The following TREML2 variants were observed in gnomAD, a reference collection of about 807,000 sequenced individuals.
The protein encoded by TREML2 is trem-like transcript 2 protein.
A neutral mutation model predicts 25.9 loss-of-function variants in TREML2; 24 were observed. The ratio of observed to expected loss-of-function variants is 0.93; its 90% CI spans 0.67 to 1.30. The LOEUF (loss-of-function observed/expected upper bound fraction) is 1.30, where lower values mean the gene tolerates loss of function less well. Among genes scored for constraint, TREML2 ranks in the 50% most tolerant of loss-of-function variants. The probability of loss-of-function intolerance (pLI) is 0.00; values close to 1 mark genes in which losing one functional copy is unlikely to be tolerated. For missense variants in TREML2, 359 were observed against 395.6 expected (o/e 0.91, Z 0.78); for synonymous variants, 139 against 155.2 (o/e 0.90, Z 0.77).
At chr6:41,199,411 A>C (rs1287105227) in intron 1 of TREML2, among the ~76,000 whole-genome samples, 5 of 152,240 alleles carry the variant, frequency 3.3e-5, no homozygotes, top group African/African-American at 1.2e-4. Context: ...TAGTTACATA[A>C]AACCCATAGA....
In TREML2 at chr6:41,201,101, C is replaced by T. The variant is rs62621763; in HGVS notation, c.-93G>A. 0.038 allele frequency: 56,411 copies of T among 1,471,350 alleles called. 1,350 individuals carry two copies. Among genetic ancestry groups the T allele is most frequent in the South Asian group, 0.065 (5,709 of 87,736 alleles). 91.1% of individuals were successfully genotyped at this position (1,471,350 alleles called of 1,614,324 possible). On this transcript the variant is annotated 5_prime_UTR_variant, in exon 1 of 5. Transcript: ENST00000483722. The stretch of plus-strand genomic sequence containing the variant: ...GCCACCTGGGCCTGCCAGGGAAGGA[C>T]CCGGGGTTCTAAAAGTGAAGCTGCC...
intron 3 of TREML2, among the ~76,000 whole-genome samples, chr6:41,193,610 G>A (rs1035977029): frequency 2.6e-5 from 4 of 151,384 alleles, no homozygotes; most frequent in South Asian, 2.1e-4. Context: ...CATATAAGAC[G>A]CAAATCCCTG....
At chr6:41,199,540 G>T (rs1382373977) in intron 1 of TREML2, among the ~76,000 whole-genome samples, 4 of 152,170 alleles carry the variant, frequency 2.6e-5, no homozygotes, top group Non-Finnish European at 5.9e-5. Flanking sequence ...AGTAAGATGT[G>T]GTCCAAGCCT....
chr6:41,199,847 C>A (rs1444989004), intron 1 of TREML2, among the ~76,000 whole-genome samples: 1 of 152,220 alleles, frequency 6.6e-6, no homozygotes, highest in Non-Finnish European at 1.5e-5. Context: ...ACAGAAATAT[C>A]AAAACAGACA....
At chr6:41,192,688 T>A in intron 4 of TREML2, 113 bp downstream of exon 4, 1 of 1,189,440 alleles carries the variant, frequency 8.4e-7, no homozygotes, top group Non-Finnish European at 1.2e-6. Context: ...GTCATAGTCC[T>A]TTTGACTGGA....
Position 41,200,980 on chromosome 6 carries a change from A to T in TREML2, c.29T>A (p.Leu10Gln). 1 of 1,582,122 alleles carries T rather than the reference A, an allele frequency of 6.3e-7. No individual in the cohort carries two copies. Among genetic ancestry groups the T allele is most frequent in the Non-Finnish European group, 8.6e-7 (1 of 1,163,200 alleles). Residue 10 changes from leucine to glutamine, a missense_variant, in exon 1 of 5, where the codon CTG (leucine) becomes CAG (glutamine). Physicochemically the swap from Leu to Gln is moderately radical, Grantham distance 113 (BLOSUM62 -2). Transcript: ENST00000483722. ...TGAGACGCAACCCTGTGGCCACAGC[A>T]GCAGCAGCAGCAGGAAGGCTGGGGC... MAPAFLLLL[L>Q]LWPQGCVSGP...
chr6:41,194,836 G>A lies in TREML2; in HGVS notation c.377-3C>T. ...AATGTTCCTCTCAGTTTGGGGAGCT[G>A]AAAGACAGAAAGGGAGGAACGTTAG... On this transcript the variant is annotated splice_polypyrimidine_tract_variant and splice_region_variant and intron_variant, in intron 2 of 4. Coordinates refer to ENST00000483722, the MANE Select transcript of TREML2 (RefSeq NM_024807.4). The A allele has an allele frequency of 6.5e-7, 1 of 1,549,872 alleles. No individual in the cohort carries two copies. Among genetic ancestry groups the A allele is most frequent in the Non-Finnish European group, 8.7e-7 (1 of 1,144,940 alleles).
rs756680778 is a variant in TREML2 at position 41,196,085 on chromosome 6, A to C, written c.377-1252T>G. 1.3e-4 allele frequency among the ~76,000 whole-genome samples: 20 copies of C among 152,364 alleles called. 1 individual carries two copies. The highest frequency in any genetic ancestry group is 2.4e-4 in the Non-Finnish European group (16 of 68,038). ...ATAAGGATTTTTTTTATTTCCTAAT[A>C]ACAGAAAAGGTCTGCAAAGTTGAAA... On this transcript the variant is annotated intron_variant, in intron 2 of 4. Transcript: ENST00000483722.
chr6:41,198,656 C>G (rs555706528), intron 1 of TREML2, among the ~76,000 whole-genome samples: 8 of 152,280 alleles, frequency 5.3e-5, no homozygotes, highest in Admixed American at 5.2e-4. Context: ...GGAGACACAA[C>G]CCCCGCTCTC....
intron 2 of TREML2, among the ~76,000 whole-genome samples, chr6:41,196,747 T>A (rs2113906963): frequency 6.6e-6 from 1 of 152,334 alleles, no homozygotes; most frequent in South Asian, 2.1e-4. Flanking sequence ...ACTTTCTGTG[T>A]CTGTAGATTT....
intron 3 of TREML2, among the ~76,000 whole-genome samples, 180 bp from the exon 4 acceptor site, chr6:41,193,081 C>T (rs998845053): frequency 3.9e-5 from 6 of 152,180 alleles, no homozygotes; most frequent in East Asian, 1.9e-4. Flanking sequence ...AAGAGGAGGA[C>T]GTCCCCAGGT....
rs1380919833 is a variant in TREML2, at chr6:41,198,271, C to T, written c.214G>A (p.Val72Met). 1 of 1,614,216 alleles carries T rather than the reference C, an allele frequency of 6.2e-7. No homozygotes were observed. Among genetic ancestry groups the T allele is most frequent in the Non-Finnish European group, 8.5e-7 (1 of 1,180,036 alleles). Residue 72 changes from valine (V) to methionine (M), a missense_variant, in exon 2 of 5, where the codon GTG (valine) becomes ATG (methionine). Val to Met is a conservative substitution (Grantham distance 21). Transcript: ENST00000483722. Reference protein sequence around the residue: ...KCEPGFARVWVKGPRYLLQDD... With the variant: ...KCEPGFARVWMKGPRYLLQDD... ...TGCAGCAAGTAGCGGGGCCCTTTCA[C>T]CCAGACTCGGGCAAAGCCAGGCTCA...
rs780153970 is a variant in TREML2, at chr6:41,194,590, C to A, written c.620G>T (p.Gly207Val). ...TTSQGPRRTM[G>V]SQTVTASPSN... ...GGGAGACGCGGTCACTGTCTGGGAC[C>A]CCATGGTCCTCCTGGGTCCCTGGCT... Residue 207 changes from glycine to valine, a missense_variant, in exon 3 of 5, where the codon GGG becomes GTG. Physicochemically the swap from Gly to Val is moderately radical, Grantham distance 109 (BLOSUM62 -3). Coordinates refer to ENST00000483722, the MANE Select transcript of TREML2 (RefSeq NM_024807.4). 1.9e-6 allele frequency: 3 copies of A among 1,614,016 alleles called. No individual in the cohort carries two copies. Among genetic ancestry groups the A allele is most frequent in the Non-Finnish European group, 2.5e-6 (3 of 1,180,006 alleles).
intron 3 of TREML2, among the ~76,000 whole-genome samples, chr6:41,194,133 CT>C (rs1179630322): frequency 7.3e-6 from 1 of 137,350 alleles, no homozygotes; most frequent in Non-Finnish European, 1.6e-5. Flanking sequence ...CTCCTTTCCC[CT>C]GTCCCTCCTG....
At chr6:41,200,929 A>T in intron 1 of TREML2, 25 bp downstream of exon 1, 1 of 1,516,604 alleles carries the variant, frequency 6.6e-7, no homozygotes, top group Non-Finnish European at 8.8e-7. Context: ...TCCCTCCTCC[A>T]CAAGTCAGCC....
At position 41,200,960 on chromosome 6, in the gene TREML2, C is replaced by T. The variant is rs761345260; in HGVS notation, c.49G>A (p.Val17Ile). The change falls in exon 1 of 5, where the codon GTC becomes ATC. Residue 17 changes from valine to isoleucine, a missense_variant. Val to Ile is a conservative substitution (Grantham distance 29, BLOSUM62 3). Coordinates refer to ENST00000483722, the MANE Select transcript of TREML2 (RefSeq NM_024807.4). The part of the protein sequence containing the change: ...LLLLLWPQGC[V>I]SGPSADSVYT... ...CAGCCCCTTCTCCCCTCACCTGAGACGCAACCCTGTGGCCACAGCAGCAGC... is the reference window on the plus strand; with the variant it reads ...CAGCCCCTTCTCCCCTCACCTGAGATGCAACCCTGTGGCCACAGCAGCAGC... The T allele has an allele frequency of 1.8e-4, 288 of 1,567,828 alleles. No homozygotes were observed. The Admixed American group carries it at 3.2e-3, about 18-fold the overall frequency.
In TREML2 at chr6:41,192,877, C is replaced by G. The variant is rs148177106; in HGVS notation, c.810G>C (p.Val270=). Residue 270 remains valine (V), a synonymous_variant, in exon 4 of 5, where the codon GTG becomes GTC. Coordinates refer to ENST00000483722, the MANE Select transcript of TREML2 (RefSeq NM_024807.4). Reference sequence around the variant, plus strand: ...CCAGGAGGGTCAGCACCACCCCAAGCACAGTGGAGTAAACATCCTGGTGCC... The same window carrying G: ...CCAGGAGGGTCAGCACCACCCCAAGGACAGTGGAGTAAACATCCTGGTGCC... ...SIRHQDVYST[V]LGVVLTLLVL... 6.5e-5 allele frequency: 104 copies of G among 1,590,558 alleles called. No homozygotes were observed. The African/African-American group carries it at 1.2e-3, about 18-fold the overall frequency.
At position 41,190,000 on chromosome 6, in the gene TREML2, G is replaced by A. The variant is rs1472137384; in HGVS notation, c.*2427C>T. Among the ~76,000 whole-genome samples the A allele has an allele frequency of 6.6e-6, 1 of 152,068 alleles. No individual in the cohort carries two copies. Among genetic ancestry groups the A allele is most frequent in the East Asian group, 1.9e-4 (1 of 5,182 alleles). On this transcript the variant is annotated 3_prime_UTR_variant, in exon 5 of 5. Coordinates refer to ENST00000483722, the MANE Select transcript of TREML2 (RefSeq NM_024807.4). ...TGTTCCCCTTACTGCACATGTCAGG[G>A]GATGAAATTTTCCATTGCAGGCATG...
chr6:41,192,342 A>G lies in TREML2; in HGVS notation c.*85T>C. ...TGCACAAGTCCTCCAGCTTCATAAGATCGATACTGGCCCCAATCTTCACCC... is the reference window on the plus strand; with the variant it reads ...TGCACAAGTCCTCCAGCTTCATAAGGTCGATACTGGCCCCAATCTTCACCC... On this transcript the variant is annotated 3_prime_UTR_variant, in exon 5 of 5. Coordinates refer to ENST00000483722, the MANE Select transcript of TREML2 (RefSeq NM_024807.4). 2 of 1,089,828 alleles carry G rather than the reference A, an allele frequency of 1.8e-6. No individual in the cohort carries two copies. The highest frequency in any genetic ancestry group is 1.4e-6 in the Non-Finnish European group (1 of 722,882). 67.5% of individuals were successfully genotyped at this position (1,089,828 alleles called of 1,614,324 possible). A position where few individuals can be genotyped will look rare whatever the true frequency, so the allele number is the denominator to read the frequency against.
Sources: allele counts gnomAD v4.1 joint callset (sites outside exome capture counted in the v4.1 genomes callset), GRCh38; gene constraint gnomAD v4.1.1; transcripts MANE v1.5; gene names NCBI Gene and HGNC (gene_info 2026-07-23, HGNC 2026-07-21).